The following FOXF1 variants were observed in gnomAD, a reference collection of about 807,000 sequenced individuals.
FOXF1 encodes the protein forkhead box F1, also known as forkhead box protein F1.
Under a neutral mutation model 26.6 loss-of-function variants are expected in FOXF1, and 9 were observed. The ratio of observed to expected loss-of-function variants is 0.34; its 90% confidence interval spans 0.20 to 0.59. The LOEUF (loss-of-function observed/expected upper bound fraction) is 0.59, where lower values mean the gene tolerates loss of function less well. Among genes scored for constraint, FOXF1 ranks in the 20% least tolerant of loss-of-function variants. The pLI is 0.83. For synonymous variants in FOXF1, 330 were observed against 257.7 expected, an observed-to-expected ratio of 1.28 and a Z score of -2.69; for missense variants, 499 against 549.9, an observed-to-expected ratio of 0.91 and a Z score of 0.93.
chr16:86,511,861 C>T (rs1458923310), intron 1 of FOXF1, among the ~76,000 whole-genome samples: 3 of 152,238 alleles, frequency 2.0e-5, no homozygotes, highest in Non-Finnish European at 4.4e-5. Flanking sequence ...TTTTGTGTCC[C>T]TTAAGTCCCC....
At chr16:86,512,716 A>AGGCAGGCAGGCAGGCAGGCC (rs1555519382) in intron 1 of FOXF1, among the ~76,000 whole-genome samples, 3 of 149,460 alleles carry the variant, frequency 2.0e-5, no homozygotes, top group African/African-American at 7.4e-5. Context: ...GCAGGCAGGC[A>AGGCAGGCAGGCAGGCAGGCC]GGCCGTGGCA....
rs1969562830 is a variant in FOXF1, at chr16:86,511,397, G to C, written c.828G>C (p.Ala276=). The change falls in exon 1 of 2, where the codon GCG becomes GCC. Residue 276 remains alanine, a synonymous_variant. Transcript: ENST00000262426. ...SAAAWPPSAS[A]ALNSGASYIK... ...CGGCCTGGCCGCCCTCGGCGTCCGC[G>C]GCGCTCAACAGCGGCGCCTCTTATA... 6.9e-6 allele frequency: 11 copies of C among 1,588,662 alleles called. No homozygotes were observed. Among genetic ancestry groups the C allele is most frequent in the Non-Finnish European group, 9.4e-6 (11 of 1,175,574 alleles).
At position 86,511,238 on chromosome 16, in the gene FOXF1, G is replaced by A. The variant is rs762704506; in HGVS notation, c.669G>A (p.Ser223=). Residue 223 remains serine (S), a synonymous_variant, in exon 1 of 2, where the codon TCG becomes TCA. Coordinates refer to ENST00000262426, the MANE Select transcript of FOXF1 (RefSeq NM_001451.3). ...VPHLPSNGGH[S]YMGGCGGAAA... ...ACCTGCCTTCCAACGGCGGCCACTCGTACATGGGCGGCTGCGGCGGCGCGG... is the reference window on the plus strand; with the variant it reads ...ACCTGCCTTCCAACGGCGGCCACTCATACATGGGCGGCTGCGGCGGCGCGG... 6.5e-7 allele frequency: 1 copy of A among 1,527,820 alleles called. No homozygotes were observed. Among genetic ancestry groups the A allele is most frequent in the Non-Finnish European group, 8.7e-7 (1 of 1,143,578 alleles). The allele number at this position is 1,527,820 out of a possible 1,614,324, so 94.6% of individuals were successfully genotyped here.
In FOXF1 at chr16:86,514,939, G is replaced by C. The variant is rs1969624354; in HGVS notation, c.*1854G>C. 1 of 152,122 alleles carries C rather than the reference G, an allele frequency of 6.6e-6. No individual in the cohort carries two copies. The highest frequency in any genetic ancestry group is 2.1e-4 in the South Asian group (1 of 4,820). The allele number at this position is 152,122 out of a possible 1,614,324, so 9.4% of individuals were successfully genotyped here. On this transcript the variant is annotated 3_prime_UTR_variant, in exon 2 of 2. Transcript: ENST00000262426. The stretch of plus-strand genomic sequence containing the variant: ...TTTCCGACTTTCTTGTTCTCTTGCT[G>C]TAGCTGTTATAAATCGTGAATCAAC...
intron 1 of FOXF1, among the ~76,000 whole-genome samples, chr16:86,512,663 C>T (rs1042157735): frequency 4.0e-5 from 6 of 151,242 alleles, no homozygotes; most frequent in African/African-American, 9.9e-5. Flanking sequence ...GGCCCCTGCA[C>T]GGTGTCCGAG....
At chr16:86,512,786 GC>G in intron 1 of FOXF1, 138 bp from the exon 2 acceptor site, 3 of 943,094 alleles carry the variant, frequency 3.2e-6, no homozygotes, top group Non-Finnish European at 5.0e-6. Flanking sequence ...GGGGAGGAGA[GC>G]GGGGAGGCGG....
In FOXF1 at chr16:86,511,224, AACGGCGGCC is replaced by A; in HGVS notation, c.658_666del (p.Gly220_His222del). 6.5e-7 allele frequency: 1 copy of A among 1,534,878 alleles called. No individual in the cohort carries two copies. The highest frequency in any genetic ancestry group is 8.7e-7 in the Non-Finnish European group (1 of 1,146,582). On this transcript the variant is annotated inframe_deletion, in exon 1 of 2. Transcript: ENST00000262426. ...CCACTCGGTGCCCCACCTGCCTTCC[AACGGCGGCC>A]ACTCGTACATGGGCGGCTGCGGCGG...
In FOXF1 at chr16:86,513,304, G is replaced by C. The variant is rs1969597549; in HGVS notation, c.*219G>C. On this transcript the variant is annotated 3_prime_UTR_variant, in exon 2 of 2. Transcript: ENST00000262426. ...CCTTCAAAATTGTTAAGAAATGTTAGTGGTGGGTCTGATCTGACTGCAGCC... is the reference window on the plus strand; with the variant it reads ...CCTTCAAAATTGTTAAGAAATGTTACTGGTGGGTCTGATCTGACTGCAGCC... The C allele has an allele frequency of 8.6e-6, 5 of 581,838 alleles. No homozygotes were observed. Among genetic ancestry groups the C allele is most frequent in the Admixed American group, 5.9e-5 (2 of 33,928 alleles). 36.0% of individuals were successfully genotyped at this position (581,838 alleles called of 1,614,324 possible).
rs758598952 is a variant in FOXF1, at chr16:86,511,114, C to G, written c.545C>G (p.Pro182Arg). 6.7e-5 allele frequency: 108 copies of G among 1,605,056 alleles called. No individual in the cohort carries two copies. The highest frequency in any genetic ancestry group is 9.0e-5 in the Non-Finnish European group (106 of 1,179,686). Residue 182 changes from proline (P) to arginine (R), a missense_variant, in exon 1 of 2, where the codon CCG becomes CGG. Around this residue, in one of 5 missense-constraint regions of FOXF1, gnomAD observed 367 missense variants for 324.8 expected, o/e 1.13. Coordinates refer to ENST00000262426, the MANE Select transcript of FOXF1 (RefSeq NM_001451.3). ...FQGSAGGLSC[P>R]PNSLALEGGL... is the part of the protein sequence containing the mutation. ...GGCTCGGCCGGCGGCCTCTCGTGCC[C>G]GCCCAACAGCCTGGCGCTGGAGGGC...
At position 86,510,637 on chromosome 16, in the gene FOXF1, G is replaced by A; in HGVS notation, c.68G>A (p.Gly23Asp). The change falls in exon 1 of 2, where the codon GGC (glycine) becomes GAC (aspartate). Residue 23 changes from glycine (G) to aspartate (D), a missense_variant. This residue lies in a region of FOXF1 where 76 missense variants were observed against 78.9 expected (regional missense o/e 0.96). Transcript: ENST00000262426. ...GGCGGCGGCGGCGGCGGGGGAGGCG[G>A]CGCGGCCATGGACCCCGCGTCGTCC... is the stretch of plus-strand genomic sequence containing the variant. ...GGGGGGGGGG[G>D]AAMDPASSGP... 7.0e-7 allele frequency: 1 copy of A among 1,437,310 alleles called. No homozygotes were observed. Among genetic ancestry groups the A allele is most frequent in the South Asian group, 1.6e-5 (1 of 62,020 alleles). The allele number at this position is 1,437,310 out of a possible 1,614,324, so 89.0% of individuals were successfully genotyped here.
At position 86,514,508 on chromosome 16, in the gene FOXF1, G is replaced by C. The variant is rs1969617537; in HGVS notation, c.*1423G>C. On this transcript the variant is annotated 3_prime_UTR_variant, in exon 2 of 2. Coordinates refer to ENST00000262426, the MANE Select transcript of FOXF1 (RefSeq NM_001451.3). ...AATACCTTCCAGACTCCCAAAGATAGAGGGGGGAAAAAAGAAAAAACAGGC... is the reference window on the plus strand; with the variant it reads ...AATACCTTCCAGACTCCCAAAGATACAGGGGGGAAAAAAGAAAAAACAGGC... 6.6e-6 allele frequency: 1 copy of C among 152,122 alleles called. No individual in the cohort carries two copies. Among genetic ancestry groups the C allele is most frequent in the African/African-American group, 2.4e-5 (1 of 41,410 alleles). 9.4% of individuals were successfully genotyped at this position (152,122 alleles called of 1,614,324 possible).
intron 1 of FOXF1, 40 bp from the exon 2 acceptor site, chr16:86,512,885 C>T: frequency 6.2e-7 from 1 of 1,612,702 alleles, no homozygotes; most frequent in South Asian, 1.1e-5. Context: ...GTGGCTAACT[C>T]TTCTGCTCCC....
intron 1 of FOXF1, 50 bp from the exon 2 acceptor site, chr16:86,512,875 G>A (rs780374247): frequency 6.2e-6 from 10 of 1,610,354 alleles, no homozygotes; most frequent in Admixed American, 5.0e-5. Context: ...CTGAGCCACC[G>A]TGGCTAACTC....
At chr16:86,512,134 C>A (rs899628652) in intron 1 of FOXF1, among the ~76,000 whole-genome samples, 1 of 152,342 alleles carries the variant, frequency 6.6e-6, no homozygotes, top group Non-Finnish European at 1.5e-5. Flanking sequence ...CGTGGCCAGG[C>A]CCCGGAGGGT....
intron 1 of FOXF1, among the ~76,000 whole-genome samples, chr16:86,511,855 G>C (rs1969570715): frequency 1.3e-5 from 2 of 152,206 alleles, no homozygotes; most frequent in African/African-American, 2.4e-5. Context: ...AAGTCCTTTT[G>C]TGTCCCTTAA....
rs1207747263 is a variant in FOXF1, at chr16:86,513,296, A to C, written c.*211A>C. On this transcript the variant is annotated 3_prime_UTR_variant, in exon 2 of 2. Coordinates refer to ENST00000262426, the MANE Select transcript of FOXF1 (RefSeq NM_001451.3). Reference sequence around the variant, plus strand: ...TCCTCACTCCTTCAAAATTGTTAAGAAATGTTAGTGGTGGGTCTGATCTGA... The same window carrying C: ...TCCTCACTCCTTCAAAATTGTTAAGCAATGTTAGTGGTGGGTCTGATCTGA... The C allele has an allele frequency of 8.5e-6, 5 of 589,390 alleles. No individual in the cohort carries two copies. The African/African-American group carries it at 9.3e-5, about 11-fold the overall frequency. 36.5% of individuals were successfully genotyped at this position (589,390 alleles called of 1,614,324 possible).
chr16:86,510,651 C>A lies in FOXF1; in HGVS notation c.82C>A (p.Pro28Thr). ...GGGGGGAAMD[P>T]ASSGPSKAKK... ...CGGGGGAGGCGGCGCGGCCATGGAC[C>A]CCGCGTCGTCCGGCCCGTCCAAGGC... Residue 28 changes from proline (P) to threonine (T), a missense_variant, in exon 1 of 2, where the codon CCC (proline) becomes ACC (threonine). Transcript: ENST00000262426. 1.3e-6 allele frequency: 2 copies of A among 1,597,810 alleles called. No individual in the cohort carries two copies. The highest frequency in any genetic ancestry group is 1.7e-5 in the Admixed American group (1 of 58,732).
intron 1 of FOXF1, among the ~76,000 whole-genome samples, 177 bp downstream of exon 1, chr16:86,511,725 G>A (rs1276603912): frequency 6.6e-6 from 1 of 152,176 alleles, no homozygotes; most frequent in Admixed American, 6.5e-5. Context: ...AGTGACTACC[G>A]CTCTTGACCC....
chr16:86,510,773 C>T lies in FOXF1; in HGVS notation c.204C>T (p.Arg68=), dbSNP rs370422274. The T allele has an allele frequency of 3.7e-6, 6 of 1,613,848 alleles. 1 individual carries two copies. The South Asian group carries it at 4.4e-5, about 12-fold the overall frequency. The change falls in exon 1 of 2, where the codon CGC becomes CGT. Residue 68 remains arginine, a synonymous_variant. Transcript: ENST00000262426. ...CCATCCAGAGTTCACCCACCAAGCG[C>T]CTGACGCTGAGCGAGATCTACCAGT... is the stretch of plus-strand genomic sequence containing the variant. ...VMAIQSSPTK[R]LTLSEIYQFL...
Sources: gnomAD v4.1 joint callset for allele counts (sites outside exome capture counted in the v4.1 genomes callset) on GRCh38, gnomAD v4.1.1 for gene constraint, gnomAD v4.1.1 regional missense constraint, MANE v1.5 for transcripts, NCBI Gene and HGNC (gene_info 2026-07-23, HGNC 2026-07-21) for gene names.